The following PPM1L variants were observed in gnomAD, a reference collection of about 807,000 sequenced individuals.
PPM1L encodes protein phosphatase, Mg2+/Mn2+ dependent 1L.
Under a neutral mutation model 31.4 loss-of-function variants are expected in PPM1L, and 13 were observed. That is an observed-to-expected ratio of 0.41 (90% CI 0.27 to 0.66). PPM1L has a LOEUF of 0.66. Ranked by LOEUF, PPM1L falls within the 30% of genes least tolerant of loss-of-function variation. The pLI, the probability that PPM1L is intolerant of heterozygous loss-of-function variation, is 0.29. For missense variants in PPM1L, 326 were observed against 453.7 expected (o/e 0.72, Z 2.56); for synonymous variants, 184 against 175.4 (o/e 1.05, Z -0.39).
intron 2 of PPM1L, among the ~76,000 whole-genome samples, chr3:161,037,140 C>T (rs1232051665): frequency 6.6e-6 from 1 of 152,110 alleles, no homozygotes; most frequent in African/African-American, 2.4e-5. Flanking sequence ...CCTTTGAGTG[C>T]AGGGAGGACT....
At chr3:160,904,826 A>C (rs187374593) in intron 1 of PPM1L, among the ~76,000 whole-genome samples, 6 of 152,242 alleles carry the variant, frequency 3.9e-5, no homozygotes, top group Non-Finnish European at 7.4e-5. Flanking sequence ...ATGAGAATCT[A>C]TCTTTCACGA....
intron 1 of PPM1L, among the ~76,000 whole-genome samples, chr3:160,781,084 A>G (rs565798401): frequency 1.0e-3 from 157 of 152,318 alleles, no homozygotes; most frequent in African/African-American, 3.7e-3. Context: ...ATTAACAGGT[A>G]TACGTTGCTA....
intron 3 of PPM1L, among the ~76,000 whole-genome samples, chr3:161,066,976 C>T (rs1422989117): frequency 6.6e-6 from 1 of 152,148 alleles, no homozygotes; most frequent in Non-Finnish European, 1.5e-5. Flanking sequence ...TGGGATGAAA[C>T]GAATGATATT....
intron 2 of PPM1L, among the ~76,000 whole-genome samples, chr3:161,041,881 ATT>A (rs1391731520): frequency 6.6e-6 from 1 of 152,188 alleles, no homozygotes; most frequent in East Asian, 1.9e-4. Flanking sequence ...CCATATTGAG[ATT>A]TGACATATAT....
At chr3:160,787,139 C>G (rs759158457) in intron 1 of PPM1L, among the ~76,000 whole-genome samples, 6 of 152,094 alleles carry the variant, frequency 3.9e-5, no homozygotes, top group Non-Finnish European at 8.8e-5. Flanking sequence ...ATTACTGGGT[C>G]GAATGGGAGT....
chr3:161,043,425 C>T (rs943523440), intron 2 of PPM1L, among the ~76,000 whole-genome samples: 7 of 152,144 alleles, frequency 4.6e-5, no homozygotes, highest in Admixed American at 4.6e-4. Context: ...ATACTGCGGG[C>T]CTCAAGTGTT....
At chr3:160,958,336 A>G (rs954022596) in intron 1 of PPM1L, among the ~76,000 whole-genome samples, 6 of 152,078 alleles carry the variant, frequency 3.9e-5, no homozygotes, top group Non-Finnish European at 7.4e-5. Flanking sequence ...ATTTTTGTAT[A>G]TTGTGTAAGG....
At chr3:160,821,800 G>A (rs1321066952) in intron 1 of PPM1L, among the ~76,000 whole-genome samples, 1 of 151,728 alleles carries the variant, frequency 6.6e-6, no homozygotes, top group African/African-American at 2.4e-5. Context: ...TAGAACTTTG[G>A]GAGGGAGCAA....
At chr3:160,877,186 C>A (rs1471313516) in intron 1 of PPM1L, among the ~76,000 whole-genome samples, 2 of 152,192 alleles carry the variant, frequency 1.3e-5, no homozygotes, top group Non-Finnish European at 2.9e-5. Flanking sequence ...ATAAATATAT[C>A]TTCAAACTCA....
At chr3:161,013,720 C>T (rs1416984895) in intron 2 of PPM1L, among the ~76,000 whole-genome samples, 2 of 152,128 alleles carry the variant, frequency 1.3e-5, no homozygotes, top group Non-Finnish European at 2.9e-5. Flanking sequence ...GTATTGAGTG[C>T]ATATATATTT....
intron 1 of PPM1L, among the ~76,000 whole-genome samples, chr3:160,946,307 CAT>C (rs897003957): frequency 1.1e-3 from 175 of 152,234 alleles, no homozygotes; most frequent in African/African-American, 4.1e-3. Context: ...CATTGATAAT[CAT>C]ACCTACCTTG....
intron 2 of PPM1L, among the ~76,000 whole-genome samples, chr3:161,011,767 C>T (rs1391940728): frequency 6.6e-6 from 1 of 152,064 alleles, no homozygotes; most frequent in African/African-American, 2.4e-5. Flanking sequence ...GTATTTTATT[C>T]TCTTTGATGC....
intron 1 of PPM1L, among the ~76,000 whole-genome samples, chr3:160,852,860 GA>G (rs964359939): frequency 2.6e-5 from 4 of 152,236 alleles, no homozygotes; most frequent in Admixed American, 6.5e-5. Context: ...TCTTTTAACT[GA>G]AAACAGATAT....
chr3:160,947,319 C>T (rs964261158), intron 1 of PPM1L, among the ~76,000 whole-genome samples: 1 of 152,122 alleles, frequency 6.6e-6, no homozygotes, highest in Non-Finnish European at 1.5e-5. Context: ...AATTTTGAAG[C>T]CTTTTCTCCT....
At chr3:160,953,571 T>G (rs565667365) in intron 1 of PPM1L, among the ~76,000 whole-genome samples, 19 of 152,288 alleles carry the variant, frequency 1.2e-4, no homozygotes, top group African/African-American at 4.6e-4. Flanking sequence ...ATTTGAAACA[T>G]AGGTCTAGTT....
At chr3:160,798,593 A>G (rs1458755056) in intron 1 of PPM1L, among the ~76,000 whole-genome samples, 1 of 152,202 alleles carries the variant, frequency 6.6e-6, no homozygotes, top group Admixed American at 6.5e-5. Context: ...ATTGAGATCT[A>G]TTGCTCAGAA....
At chr3:160,920,668 T>C (rs9857482) in intron 1 of PPM1L, among the ~76,000 whole-genome samples, 6,502 of 103,038 alleles carry the variant, frequency 0.063, 422 homozygotes, top group East Asian at 0.33. Context: ...CACACACACA[T>C]ATTAAAGATC....
chr3:160,961,517 T>C (rs1715963506), intron 1 of PPM1L, among the ~76,000 whole-genome samples: 1 of 152,210 alleles, frequency 6.6e-6, no homozygotes, highest in African/African-American at 2.4e-5. Context: ...CTTTTATACC[T>C]TTAAACCTAG....
rs35779475 is a variant in PPM1L, at chr3:160,868,708, C to CT, written c.400-93016dup. Among the ~76,000 whole-genome samples, 121 of 139,094 alleles carry CT rather than the reference C, an allele frequency of 8.7e-4. 1 individual carries two copies. The highest frequency in any genetic ancestry group is 1.7e-3 in the African/African-American group (65 of 38,340). 91.3% of individuals were successfully genotyped at this position (139,094 alleles called of 152,430 possible). A position where few individuals can be genotyped will look rare whatever the true frequency, so the allele number is the denominator to read the frequency against. ...TTTTAATGACACTTAGGAACTGAGG[C>CT]TTTTTTTTTTTTCAGTCATGGTTTT... On this transcript the variant is annotated intron_variant, in intron 1 of 3. Transcript: ENST00000498165.
Sources: allele counts gnomAD v4.1 joint callset (sites outside exome capture counted in the v4.1 genomes callset), GRCh38; gene constraint gnomAD v4.1.1; transcripts MANE v1.5; gene names NCBI Gene and HGNC (gene_info 2026-07-23, HGNC 2026-07-21).